The following MARCHF1 variants were observed in gnomAD, a reference collection of about 807,000 sequenced individuals.
MARCHF1 encodes E3 ubiquitin-protein ligase MARCHF1.
MARCHF1 carries 40 observed loss-of-function variants against 54.2 expected under a neutral mutation model. The ratio of observed to expected loss-of-function variants is 0.74; its 90% confidence interval spans 0.57 to 0.96. The LOEUF (loss-of-function observed/expected upper bound fraction) is 0.96, where lower values mean the gene tolerates loss of function less well. MARCHF1 is among the 40% of genes least tolerant of loss of function. The pLI is 0.00. For missense variants in MARCHF1, 586 were observed against 656.5 expected (o/e 0.89, Z 1.17); for synonymous variants, 236 against 236.3 (o/e 1.00, Z 0.01).
At chr4:163,713,209 G>C (rs1265768883) in intron 4 of MARCHF1, among the ~76,000 whole-genome samples, 2 of 151,992 alleles carry the variant, frequency 1.3e-5, no homozygotes, top group African/African-American at 2.4e-5. Context: ...AGGAAAATAA[G>C]TGGCCACTTT....
intron 1 of MARCHF1, among the ~76,000 whole-genome samples, chr4:164,262,336 C>T (rs1398770383): frequency 1.3e-5 from 2 of 152,048 alleles, no homozygotes; most frequent in African/African-American, 4.8e-5. Context: ...CCCACAACAC[C>T]AAACAAGTGT....
intron 8 of MARCHF1, among the ~76,000 whole-genome samples, chr4:163,565,804 G>C (rs1443020871): frequency 6.6e-6 from 1 of 152,118 alleles, no homozygotes; most frequent in African/African-American, 2.4e-5. Context: ...TCTCCACAAA[G>C]CTTCTCTCTG....
At chr4:164,369,390 C>A (rs1001983443) in intron 1 of MARCHF1, among the ~76,000 whole-genome samples, 10 of 152,112 alleles carry the variant, frequency 6.6e-5, no homozygotes, top group Non-Finnish European at 1.2e-4. Flanking sequence ...TCAAGAGCAT[C>A]AAAGTGAACA....
chr4:163,623,358 T>C (rs1365736881), intron 5 of MARCHF1, among the ~76,000 whole-genome samples: 1 of 152,222 alleles, frequency 6.6e-6, no homozygotes, highest in Non-Finnish European at 1.5e-5. Flanking sequence ...TCTGGTACAC[T>C]GGGTCACGAC....
At chr4:163,685,297 CAT>C (rs758898344) in intron 5 of MARCHF1, among the ~76,000 whole-genome samples, 2 of 152,042 alleles carry the variant, frequency 1.3e-5, no homozygotes, top group South Asian at 2.1e-4. Flanking sequence ...AAATCTTAAA[CAT>C]GTGACAAGTT....
At chr4:163,983,520 G>C (rs926901026) in intron 3 of MARCHF1, among the ~76,000 whole-genome samples, 1 of 152,034 alleles carries the variant, frequency 6.6e-6, no homozygotes, top group Non-Finnish European at 1.5e-5. Flanking sequence ...GTAACAAAAA[G>C]AAAACAAAAC....
chr4:163,782,019 T>C (rs1370433559), intron 4 of MARCHF1, among the ~76,000 whole-genome samples: 1 of 152,170 alleles, frequency 6.6e-6, no homozygotes, highest in East Asian at 1.9e-4. Flanking sequence ...CCCTCTGAGC[T>C]ACTGTGTATA....
intron 3 of MARCHF1, among the ~76,000 whole-genome samples, chr4:163,976,456 A>G (rs892347643): frequency 6.6e-6 from 1 of 152,206 alleles, no homozygotes; most frequent in Admixed American, 6.6e-5. Context: ...CTGTGGCCAC[A>G]AGGCAAACTA....
chr4:163,625,235 C>A lies in MARCHF1; in HGVS notation c.163-11842G>T, dbSNP rs192159715. Among the ~76,000 whole-genome samples, 293 of 152,268 alleles carry A rather than the reference C, an allele frequency of 1.9e-3. 2 individuals carry two copies. The highest frequency in any genetic ancestry group is 5.1e-3 in the Admixed American group (78 of 15,298). ...CCTAGCTTTATGTACACCCATTTTTCTTTAACTGCATGGGCCCTTTTCAAC... is the reference window on the plus strand; with the variant it reads ...CCTAGCTTTATGTACACCCATTTTTATTTAACTGCATGGGCCCTTTTCAAC... On this transcript the variant is annotated intron_variant, in intron 5 of 9. Coordinates refer to ENST00000514618, the MANE Select transcript of MARCHF1 (RefSeq NM_001394959.1).
intron 4 of MARCHF1, among the ~76,000 whole-genome samples, chr4:163,780,622 T>TG (rs11411376): frequency 0.84 from 127,715 of 152,058 alleles, 54,425 homozygotes; most frequent in East Asian, 0.95. Context: ...ATTATGGCTT[T>TG]ATTTTACCAG....
At chr4:163,693,745 CTTAATAA>C (rs1218285230) in intron 5 of MARCHF1, among the ~76,000 whole-genome samples, 1 of 143,092 alleles carries the variant, frequency 7.0e-6, no homozygotes, top group East Asian at 2.3e-4. Context: ...CCCTCATGAG[CTTAATAA>C]CACATGTTAT....
intron 9 of MARCHF1, among the ~76,000 whole-genome samples, chr4:163,531,602 A>G (rs74974543): frequency 0.013 from 1,999 of 152,030 alleles, 49 homozygotes; most frequent in African/African-American, 0.045. Context: ...CTAATGCAAT[A>G]AAACAAGAAT....
intron 1 of MARCHF1, among the ~76,000 whole-genome samples, chr4:164,224,052 T>C (rs1020586808): frequency 6.6e-6 from 1 of 150,658 alleles, no homozygotes; most frequent in Non-Finnish European, 1.5e-5. Flanking sequence ...CATCTTTCCA[T>C]ATACACTATC....
intron 9 of MARCHF1, among the ~76,000 whole-genome samples, chr4:163,544,859 G>A (rs1264703325): frequency 6.6e-6 from 1 of 152,172 alleles, no homozygotes; most frequent in Admixed American, 6.5e-5. Context: ...CTGCGGGAGT[G>A]TGGGGATGTT....
At chr4:164,259,001 TA>T (rs1733372457) in intron 1 of MARCHF1, among the ~76,000 whole-genome samples, 1 of 152,180 alleles carries the variant, frequency 6.6e-6, no homozygotes, top group African/African-American at 2.4e-5. Context: ...TAATTCATTT[TA>T]AAAAACATAT....
At chr4:163,914,872 C>G (rs553972647) in intron 3 of MARCHF1, among the ~76,000 whole-genome samples, 1 of 152,152 alleles carries the variant, frequency 6.6e-6, no homozygotes, top group South Asian at 2.1e-4. Flanking sequence ...GAGTACATAC[C>G]TTTACCTATT....
At chr4:164,343,032 T>A (rs546000376) in intron 1 of MARCHF1, among the ~76,000 whole-genome samples, 1 of 152,122 alleles carries the variant, frequency 6.6e-6, no homozygotes, top group Non-Finnish European at 1.5e-5. Flanking sequence ...TTTTCAGTTA[T>A]AAAATAAATA....
chr4:164,371,408 C>A (rs987256159), intron 1 of MARCHF1, among the ~76,000 whole-genome samples: 1 of 152,008 alleles, frequency 6.6e-6, no homozygotes, highest in Non-Finnish European at 1.5e-5. Context: ...CTGAGCATAA[C>A]AAAATTTCAA....
At chr4:163,781,548 G>A (rs902200695) in intron 4 of MARCHF1, among the ~76,000 whole-genome samples, 2 of 152,222 alleles carry the variant, frequency 1.3e-5, no homozygotes, top group Non-Finnish European at 2.9e-5. Flanking sequence ...TAGATGTCCT[G>A]ACTAATAATG....
Sources: allele counts gnomAD v4.1 joint callset (sites outside exome capture counted in the v4.1 genomes callset), GRCh38; gene constraint gnomAD v4.1.1; transcripts MANE v1.5; gene names NCBI Gene and HGNC (gene_info 2026-07-23, HGNC 2026-07-21).